The following WDFY2 variants were observed in gnomAD, a reference collection of about 807,000 sequenced individuals.
WDFY2 encodes the protein WD repeat and FYVE domain-containing protein 2.
A neutral mutation model predicts 56.4 loss-of-function variants in WDFY2; 36 were observed. The ratio of observed to expected loss-of-function variants is 0.64; its 90% CI spans 0.49 to 0.84. The LOEUF is 0.84. Among genes scored for constraint, WDFY2 ranks in the 40% least tolerant of loss-of-function variants. The probability of loss-of-function intolerance (pLI) is 0.00; values close to 1 mark genes in which losing one functional copy is unlikely to be tolerated. For missense variants in WDFY2, 444 were observed against 512.2 expected (o/e 0.87, Z 1.29); for synonymous variants, 176 against 183.7 (o/e 0.96, Z 0.34).
At chr13:51,684,644 C>T (rs1956032366) in intron 3 of WDFY2, among the ~76,000 whole-genome samples, 1 of 152,100 alleles carries the variant, frequency 6.6e-6, no homozygotes, top group Non-Finnish European at 1.5e-5. Flanking sequence ...ATATGCTCTT[C>T]TCTCTTCCTT....
chr13:51,603,223 T>G (rs187822437), intron 1 of WDFY2, among the ~76,000 whole-genome samples: 7 of 152,342 alleles, frequency 4.6e-5, no homozygotes, highest in African/African-American at 1.7e-4. Context: ...AGACACCACA[T>G]ATTGAACTGC....
Position 51,703,635 on chromosome 13 carries a change from G to A in WDFY2, c.319G>A (p.Val107Met). 2 of 1,609,560 alleles carry A rather than the reference G, an allele frequency of 1.2e-6. No individual in the cohort carries two copies. Among genetic ancestry groups the A allele is most frequent in the South Asian group, 1.1e-5 (1 of 90,200 alleles). The change falls in exon 4 of 12, where the codon GTG becomes ATG. Residue 107 changes from valine to methionine, a missense_variant. Transcript: ENST00000298125. ...LSEDYNKMTP[V>M]KNYQAHQSRV... is the part of the protein sequence containing the mutation. ...AGAAGATTATAACAAGATGACTCCT[G>A]TGAAAAACTATCAAGGTAGGGAGTG...
intron 1 of WDFY2, among the ~76,000 whole-genome samples, chr13:51,631,596 AAAT>A (rs1339999224): frequency 1.3e-5 from 2 of 152,182 alleles, no homozygotes; most frequent in East Asian, 3.8e-4. Context: ...AATTTTGTTG[AAAT>A]AATGAGAAAC....
intron 1 of WDFY2, among the ~76,000 whole-genome samples, chr13:51,631,618 A>AT (rs1057114699): frequency 3.3e-5 from 5 of 151,766 alleles, no homozygotes; most frequent in African/African-American, 7.3e-5. Flanking sequence ...ACATTTGTTC[A>AT]TTTTTTTTAC....
At chr13:51,654,212 G>C (rs1955462793) in intron 1 of WDFY2, among the ~76,000 whole-genome samples, 1 of 152,228 alleles carries the variant, frequency 6.6e-6, no homozygotes, top group Non-Finnish European at 1.5e-5. Context: ...CCAGGCGCGG[G>C]ATACAATCTC....
chr13:51,725,123 G>T (rs1465469790), intron 5 of WDFY2, among the ~76,000 whole-genome samples: 1 of 151,976 alleles, frequency 6.6e-6, no homozygotes, highest in African/African-American at 2.4e-5. Context: ...TTTACTTTTT[G>T]GTTTTTGCAC....
intron 8 of WDFY2, 102 bp from the exon 9 acceptor site, chr13:51,755,256 T>C: frequency 9.0e-7 from 1 of 1,109,160 alleles, no homozygotes; most frequent in South Asian, 1.5e-5. Context: ...CTCTGTTTCT[T>C]TTAAACACAT....
At position 51,585,033 on chromosome 13, in the gene WDFY2, C is replaced by T. The variant is rs571281702; in HGVS notation, c.137+209C>T. On this transcript the variant is annotated intron_variant, in intron 1 of 11. Coordinates refer to ENST00000298125, the MANE Select transcript of WDFY2 (RefSeq NM_052950.4). The stretch of plus-strand genomic sequence containing the variant: ...GAAGCGGAGCCGGGACGGCGGCGAG[C>T]GCTCCGGCTTCACCCCGGGCTGGGT... 1.4e-3 allele frequency among the ~76,000 whole-genome samples: 215 copies of T among 152,360 alleles called. 1 individual carries two copies. The highest frequency in any genetic ancestry group is 2.3e-3 in the Non-Finnish European group (158 of 68,030).
intron 4 of WDFY2, among the ~76,000 whole-genome samples, chr13:51,703,897 T>C (rs1425534590): frequency 6.6e-6 from 1 of 152,240 alleles, no homozygotes; most frequent in African/African-American, 2.4e-5. Context: ...CCACAGCCTT[T>C]GTCTTCCTAC....
intron 3 of WDFY2, 47 bp from the exon 4 acceptor site, chr13:51,703,549 C>T (rs759918324): frequency 7.2e-7 from 1 of 1,382,172 alleles, no homozygotes; most frequent in East Asian, 2.5e-5. Context: ...TATAGTCATT[C>T]ACTTAAAGAA....
In WDFY2 at chr13:51,584,489, C is replaced by T. The variant is rs1012248736; in HGVS notation, c.-199C>T. 3 of 660,414 alleles carry T rather than the reference C, an allele frequency of 4.5e-6. No individual in the cohort carries two copies. Among genetic ancestry groups the T allele is most frequent in the Admixed American group, 3.2e-5 (1 of 31,230 alleles). The allele number at this position is 660,414 out of a possible 1,614,324, so 40.9% of individuals were successfully genotyped here. On this transcript the variant is annotated 5_prime_UTR_variant, in exon 1 of 12. Transcript: ENST00000298125. ...AGTGGCGCCGGCTTGCATCCCAGGT[C>T]GTGGCGGTTTTGGTGCCTGAAGCAG...
chr13:51,623,106 C>T (rs1954769838), intron 1 of WDFY2, among the ~76,000 whole-genome samples: 1 of 152,104 alleles, frequency 6.6e-6, no homozygotes, highest in African/African-American at 2.4e-5. Flanking sequence ...GATCTACCCT[C>T]CTTGGCCTCC....
intron 1 of WDFY2, among the ~76,000 whole-genome samples, chr13:51,601,636 C>T (rs1954285350): frequency 6.6e-6 from 1 of 152,102 alleles, no homozygotes; most frequent in Admixed American, 6.5e-5. Flanking sequence ...GGCTGGTCTC[C>T]AATACCTGAC....
At chr13:51,650,892 C>G (rs555449590) in intron 1 of WDFY2, among the ~76,000 whole-genome samples, 1 of 152,274 alleles carries the variant, frequency 6.6e-6, no homozygotes, top group Admixed American at 6.5e-5. Flanking sequence ...TGTTGTGTCT[C>G]TGCCAGGCTT....
intron 5 of WDFY2, among the ~76,000 whole-genome samples, chr13:51,727,259 A>G (rs1041008190): frequency 6.6e-6 from 1 of 152,152 alleles, no homozygotes; most frequent in Non-Finnish European, 1.5e-5. Context: ...TTATGCACCA[A>G]TACTACACTT....
intron 1 of WDFY2, among the ~76,000 whole-genome samples, chr13:51,612,008 A>G (rs1423777148): frequency 6.6e-6 from 1 of 152,044 alleles, no homozygotes. Context: ...AAATGAACCA[A>G]CCCTGGAGCT....
At position 51,730,681 on chromosome 13, in the gene WDFY2, G is replaced by A. The variant is rs150117787; in HGVS notation, c.598+2891G>A. On this transcript the variant is annotated intron_variant, in intron 6 of 11. Transcript: ENST00000298125. ...CAAGGAAGTGGAGGCAGTTAGTGAC[G>A]GCCTCCTCAGGAGTCTGCCTGACCT... Among the ~76,000 whole-genome samples the A allele has an allele frequency of 1.5e-4, 23 of 152,296 alleles. No individual in the cohort carries two copies. The East Asian group carries it at 4.1e-3, about 27-fold the overall frequency.
intron 6 of WDFY2, among the ~76,000 whole-genome samples, chr13:51,731,327 G>T (rs767208276): frequency 1.3e-5 from 2 of 152,228 alleles, no homozygotes; most frequent in African/African-American, 2.4e-5. Flanking sequence ...AAGCACTCTT[G>T]TCAGCCACAT....
chr13:51,601,863 A>T (rs2138314185), intron 1 of WDFY2, among the ~76,000 whole-genome samples: 1 of 152,318 alleles, frequency 6.6e-6, no homozygotes, highest in Middle Eastern at 3.4e-3. Flanking sequence ...CATGGAAATC[A>T]CAACAGGCTG....
Sources: allele counts gnomAD v4.1 joint callset (sites outside exome capture counted in the v4.1 genomes callset), GRCh38; gene constraint gnomAD v4.1.1; transcripts MANE v1.5; gene names NCBI Gene and HGNC (gene_info 2026-07-23, HGNC 2026-07-21).